Variants in DPEP1 observed in about 807,000 individuals in gnomAD.
The protein encoded by DPEP1 is dipeptidase 1.
A neutral mutation model predicts 42.3 loss-of-function variants in DPEP1; 50 were observed. That is an observed-to-expected ratio of 1.18 (90% CI 0.94 to 1.50). The LOEUF is 1.50. DPEP1 is among the 40% of genes most tolerant of loss of function. The pLI is 0.00. For missense variants in DPEP1, 663 were observed against 553.0 expected (o/e 1.20, Z -1.99); for synonymous variants, 297 against 234.0 (o/e 1.27, Z -2.46).
At chr16:89,621,436 T>C (rs898527443) in intron 1 of DPEP1, among the ~76,000 whole-genome samples, 2 of 151,926 alleles carry the variant, frequency 1.3e-5, no homozygotes, top group Admixed American at 6.6e-5. Context: ...GCCTGTGGAC[T>C]CCCCCAGTGC....
intron 2 of DPEP1, among the ~76,000 whole-genome samples, chr16:89,634,731 T>TTTCCCTTCCTTC (rs2059642855): frequency 1.3e-5 from 1 of 75,384 alleles, no homozygotes; most frequent in African/African-American, 4.7e-5. Flanking sequence ...CCCTTCCTTC[T>TTTCCCTTCCTTC]CCTTTCCCCT....
chr16:89,617,704 G>GAGGTCGGGTGCGGCGGCT lies in DPEP1; in HGVS notation c.-107+3985_-107+3986insAGGTCGGGTGCGGCGGCT, dbSNP rs1567979093. On this transcript the variant is annotated intron_variant, in intron 1 of 10. Transcript: ENST00000690203. ...TAATCCCAGCACTTTGGGAGGTTGG[G>GAGGTCGGGTGCGGCGGCT]CACGGTGGCTCACACCTGTAATCCC... Among the ~76,000 whole-genome samples, 273 of 151,174 alleles carry GAGGTCGGGTGCGGCGGCT rather than the reference G, an allele frequency of 1.8e-3. 110 individuals carry two copies. Among genetic ancestry groups the GAGGTCGGGTGCGGCGGCT allele is most frequent in the South Asian group, 7.8e-3 (37 of 4,764 alleles).
chr16:89,620,753 A>T (rs2059437592), intron 1 of DPEP1: 1 of 151,216 alleles, frequency 6.6e-6, no homozygotes, highest in Non-Finnish European at 1.5e-5. Context: ...GAGCCGAGGT[A>T]CTCGGGACCC....
intron 1 of DPEP1, among the ~76,000 whole-genome samples, chr16:89,617,597 C>T (rs1166182986): frequency 6.6e-6 from 1 of 151,974 alleles, no homozygotes; most frequent in East Asian, 1.9e-4. Context: ...CCTGTAATCC[C>T]AGCACTTTGG....
At position 89,637,820 on chromosome 16, in the gene DPEP1, C is replaced by A; in HGVS notation, c.930-16C>A. On this transcript the variant is annotated splice_polypyrimidine_tract_variant and intron_variant, in intron 9 of 10. Transcript: ENST00000690203. ...GTCCTAGTGTGGGGGCCCAGGTTCTCCTGGCCTCAACACAGGGTCCCTGAG... is the reference window on the plus strand; with the variant it reads ...GTCCTAGTGTGGGGGCCCAGGTTCTACTGGCCTCAACACAGGGTCCCTGAG... The A allele has an allele frequency of 6.2e-7, 1 of 1,612,638 alleles. No individual in the cohort carries two copies. Among genetic ancestry groups the A allele is most frequent in the Non-Finnish European group, 8.5e-7 (1 of 1,179,844 alleles).
chr16:89,640,899 C>A (rs548732345), downstream of DPEP1, among the ~76,000 whole-genome samples: 8 of 152,230 alleles, frequency 5.3e-5, no homozygotes, highest in African/African-American at 1.9e-4. Context: ...TGCCTGGCTG[C>A]ACTGTTATTT....
intron 1 of DPEP1, among the ~76,000 whole-genome samples, chr16:89,624,130 C>T (rs982280908): frequency 4.6e-5 from 7 of 152,238 alleles, no homozygotes; most frequent in Non-Finnish European, 8.8e-5. Flanking sequence ...GAATTCCTGC[C>T]GACCCGCTGC....
At chr16:89,618,413 T>A (rs1264930928) in intron 1 of DPEP1, among the ~76,000 whole-genome samples, 2 of 152,124 alleles carry the variant, frequency 1.3e-5, no homozygotes, top group African/African-American at 2.4e-5. Flanking sequence ...GATGGGGGTC[T>A]CCCTATGTTT....
chr16:89,633,996 C>T (rs562422835), intron 2 of DPEP1, among the ~76,000 whole-genome samples: 4 of 152,272 alleles, frequency 2.6e-5, no homozygotes, highest in African/African-American at 9.6e-5. Context: ...CCATCCTCCT[C>T]ACAGCCTGGT....
chr16:89,624,397 C>T (rs1346691724), intron 1 of DPEP1, among the ~76,000 whole-genome samples: 2 of 151,984 alleles, frequency 1.3e-5, no homozygotes, highest in Non-Finnish European at 2.9e-5. Flanking sequence ...ATGTCCTCGG[C>T]GTTTGAACAA....
chr16:89,639,900 C>G (rs532082222), downstream of DPEP1, among the ~76,000 whole-genome samples: 1 of 141,464 alleles, frequency 7.1e-6, no homozygotes, highest in South Asian at 2.1e-4. Flanking sequence ...TGGTTTCCAA[C>G]CCCGACCTCA....
At chr16:89,638,593 T>G, downstream of DPEP1, 1 of 736,314 alleles carries the variant, frequency 1.4e-6, no homozygotes, top group Non-Finnish European at 1.7e-6. Context: ...GAGACACTGC[T>G]TGAGCGTCTT....
chr16:89,614,834 C>CG (rs2059367118), intron 1 of DPEP1, among the ~76,000 whole-genome samples: 1 of 152,090 alleles, frequency 6.6e-6, no homozygotes, highest in African/African-American at 2.4e-5. Flanking sequence ...GGGTAGGGTG[C>CG]GGGGAGCTTC....
At position 89,637,288 on chromosome 16, in the gene DPEP1, C is replaced by G. The variant is rs1306853060; in HGVS notation, c.676C>G (p.Leu226Val). ...SVATMKATLQLSRAPVIFSHS... is the reference protein window; with the variant it reads ...SVATMKATLQVSRAPVIFSHS... ...GGCCACCATGAAGGCCACCCTGCAG[C>G]TGTCCAGAGCCCCGGTCATCTTCAG... The change falls in exon 7 of 11, where the codon CTG becomes GTG. Residue 226 changes from leucine (L) to valine (V), a missense_variant. Physicochemically the swap from Leu to Val is conservative, Grantham distance 32. Coordinates refer to ENST00000690203, the MANE Select transcript of DPEP1 (RefSeq NM_001389466.1). 3 of 1,612,738 alleles carry G rather than the reference C, an allele frequency of 1.9e-6. No homozygotes were observed. Among genetic ancestry groups the G allele is most frequent in the South Asian group, 2.2e-5 (2 of 91,086 alleles).
chr16:89,635,825 A>T, intron 2 of DPEP1, 83 bp from the exon 3 acceptor site: 2 of 1,476,652 alleles, frequency 1.4e-6, no homozygotes, highest in Non-Finnish European at 1.8e-6. Context: ...AAGTGGGGAG[A>T]GCAGCCCAGA....
Position 89,636,893 on chromosome 16 carries a change from A to G in DPEP1, c.549A>G (p.Gly183=), listed in dbSNP as rs1597774135. The change falls in exon 6 of 11, where the codon GGA becomes GGG. Residue 183 remains glycine, a synonymous_variant. Coordinates refer to ENST00000690203, the MANE Select transcript of DPEP1 (RefSeq NM_001389466.1). ...PWADNWLVDT[G]DSEPQSQGLS... ...CTGACAACTGGCTGGTGGACACGGG[A>G]GACAGCGAGCCCCAGAGCCAAGGCT... 1 of 1,612,510 alleles carries G rather than the reference A, an allele frequency of 6.2e-7. No individual in the cohort carries two copies.
chr16:89,628,271 T>TTTTGAGA (rs2059543092), intron 1 of DPEP1, among the ~76,000 whole-genome samples: 1 of 147,826 alleles, frequency 6.8e-6, no homozygotes, highest in Non-Finnish European at 1.5e-5. Flanking sequence ...TTTTTTTTTT[T>TTTTGAGA]TGTGAGATAG....
chr16:89,638,878 GCA>G (rs1334155431), downstream of DPEP1, among the ~76,000 whole-genome samples: 1 of 19,192 alleles, frequency 5.2e-5, no homozygotes, highest in African/African-American at 2.3e-4. Context: ...CCCCACCCCT[GCA>G]CACACACACA....
At chr16:89,629,317 A>G (rs981821935) in intron 1 of DPEP1, among the ~76,000 whole-genome samples, 3 of 152,122 alleles carry the variant, frequency 2.0e-5, no homozygotes, top group African/African-American at 7.2e-5. Flanking sequence ...CCTGGGAAAC[A>G]TGGGGAAGAC....
Sources: allele counts gnomAD v4.1 joint callset (sites outside exome capture counted in the v4.1 genomes callset), GRCh38; gene constraint gnomAD v4.1.1; transcripts MANE v1.5; gene names NCBI Gene and HGNC (gene_info 2026-07-23, HGNC 2026-07-21).